The following GRK4 variants were observed in gnomAD, a reference collection of about 807,000 sequenced individuals.
GRK4 encodes G protein-coupled receptor kinase 4.
GRK4 carries 73 observed loss-of-function variants against 77.9 expected under a neutral mutation model. The observed-to-expected ratio is 0.94, with a 90% confidence interval of 0.78 to 1.14. GRK4 has a LOEUF of 1.14. Ranked by LOEUF, GRK4 falls within the 50% of genes most tolerant of loss-of-function variation. The pLI is 0.00. For missense variants in GRK4, 729 were observed against 700.2 expected (o/e 1.04, Z -0.46); for synonymous variants, 257 against 254.4 (o/e 1.01, Z -0.10).
chr4:3,026,852 C>T (rs1278919655), intron 10 of GRK4, among the ~76,000 whole-genome samples: 1 of 152,324 alleles, frequency 6.6e-6, no homozygotes, highest in South Asian at 2.1e-4. Flanking sequence ...GAGGGCATGT[C>T]GCATATTTTT....
intron 9 of GRK4, among the ~76,000 whole-genome samples, chr4:3,021,701 A>C (rs904222153): frequency 6.6e-6 from 1 of 152,170 alleles, no homozygotes; most frequent in African/African-American, 2.4e-5. Context: ...ACCATGGAAC[A>C]CACCCATAGG....
chr4:3,018,878 C>CA (rs1299331064), intron 8 of GRK4, among the ~76,000 whole-genome samples: 1 of 151,932 alleles, frequency 6.6e-6, no homozygotes, highest in Non-Finnish European at 1.5e-5. Flanking sequence ...GACTGTGTCT[C>CA]AAAAAAATAA....
Position 3,013,751 on chromosome 4 carries a change from A to T in GRK4, c.664A>T (p.Arg222Ter). Reference sequence around the variant, plus strand: ...TGCCTGCAAAAAGCTACAAAAAAAAAGAATAAAGAAGAGGAAAGGTGAAGC... The same window carrying T: ...TGCCTGCAAAAAGCTACAAAAAAAATGAATAAAGAAGAGGAAAGGTGAAGC... ...MYACKKLQKK[R>*]IKKRKGEAMA... The change falls in exon 8 of 16, where the codon AGA (arginine) becomes TGA (stop). Residue 222 changes from arginine to a stop codon, truncating the protein, a stop_gained. Coordinates refer to ENST00000398052, the MANE Select transcript of GRK4 (RefSeq NM_182982.3). LOFTEE classifies it high-confidence loss of function. 1 of 1,613,562 alleles carries T rather than the reference A, an allele frequency of 6.2e-7. No individual in the cohort carries two copies. Among genetic ancestry groups the T allele is most frequent in the Non-Finnish European group, 8.5e-7 (1 of 1,179,804 alleles).
chr4:2,969,713 C>T (rs529626882), intron 1 of GRK4, among the ~76,000 whole-genome samples: 22 of 151,892 alleles, frequency 1.4e-4, no homozygotes, highest in African/African-American at 5.3e-4. Context: ...ACTCTGTTAC[C>T]CCGCTGGAGT....
intron 12 of GRK4, among the ~76,000 whole-genome samples, chr4:3,030,495 T>C (rs992839837): frequency 3.9e-5 from 6 of 152,126 alleles, no homozygotes; most frequent in African/African-American, 7.2e-5. Flanking sequence ...GTCCTAGGCA[T>C]TGGGGGAAAC....
chr4:2,979,081 C>T (rs984499026), intron 1 of GRK4, among the ~76,000 whole-genome samples: 3 of 151,972 alleles, frequency 2.0e-5, no homozygotes, highest in Admixed American at 6.6e-5. Flanking sequence ...AAAAATTAGC[C>T]AGGCATGGTG....
chr4:2,986,825 T>C, intron 2 of GRK4: 1 of 350,286 alleles, frequency 2.9e-6, no homozygotes, highest in Non-Finnish European at 5.7e-6. Flanking sequence ...TAGTTCCTTT[T>C]AAAGAAAGAT....
Position 2,964,154 on chromosome 4 carries a change from C to A in GRK4, c.52+32C>A, listed in dbSNP as rs774261636. On this transcript the variant is annotated intron_variant, in intron 1 of 15. Coordinates refer to ENST00000398052, the MANE Select transcript of GRK4 (RefSeq NM_182982.3). ...GCGCGGCAGGCGCCCCCGACCCCCC[C>A]CCCAGAGAACCCCGAATCCCGGGGA... is the stretch of plus-strand genomic sequence containing the variant. 5.2e-6 allele frequency: 8 copies of A among 1,544,956 alleles called. No individual in the cohort carries two copies. In the South Asian group the frequency reaches 8.2e-5, roughly 16 times the overall value.
At position 3,021,309 on chromosome 4, in the gene GRK4, C is replaced by T. The variant is rs78039237; in HGVS notation, c.933-1105C>T. Reference sequence around the variant, plus strand: ...TCATTCTGAGAGACTCCTGCTCATCCGCCCAGAGTTGGCCCACACAGCACG... The same window carrying T: ...TCATTCTGAGAGACTCCTGCTCATCTGCCCAGAGTTGGCCCACACAGCACG... On this transcript the variant is annotated intron_variant, in intron 9 of 15. Coordinates refer to ENST00000398052, the MANE Select transcript of GRK4 (RefSeq NM_182982.3). Among the ~76,000 whole-genome samples, 67 of 152,306 alleles carry T rather than the reference C, an allele frequency of 4.4e-4. 3 individuals carry two copies. In the East Asian group the frequency reaches 9.9e-3, roughly 22 times the overall value.
chr4:3,030,331 A>C (rs564646652), intron 12 of GRK4, among the ~76,000 whole-genome samples: 1 of 152,350 alleles, frequency 6.6e-6, no homozygotes, highest in African/African-American at 2.4e-5. Context: ...CTGGGACTGG[A>C]CTGTGTTACC....
At chr4:2,975,257 C>G (rs1295214685) in intron 1 of GRK4, among the ~76,000 whole-genome samples, 1 of 152,106 alleles carries the variant, frequency 6.6e-6, no homozygotes, top group African/African-American at 2.4e-5. Context: ...GAGCCAAGAT[C>G]ACACCACTGC....
At chr4:2,984,028 C>G (rs950190234) in intron 1 of GRK4, among the ~76,000 whole-genome samples, 1 of 152,108 alleles carries the variant, frequency 6.6e-6, no homozygotes, top group African/African-American at 2.4e-5. Context: ...GGGACTCCCA[C>G]CTGGTCCCTC....
At chr4:3,028,454 G>A (rs1015518311) in intron 11 of GRK4, among the ~76,000 whole-genome samples, 1 of 152,266 alleles carries the variant, frequency 6.6e-6, no homozygotes, top group East Asian at 1.9e-4. Flanking sequence ...GTGGCTTTCC[G>A]CTCTTGCGTC....
At chr4:3,028,517 C>T (rs112568993) in intron 11 of GRK4, among the ~76,000 whole-genome samples, 1,868 of 152,256 alleles carry the variant, frequency 0.012, 37 homozygotes, top group African/African-American at 0.043. Flanking sequence ...ACACTTGGGG[C>T]GCCCTGGGCA....
chr4:2,982,187 CTGCCCCACCAA>C (rs369811119), intron 1 of GRK4, among the ~76,000 whole-genome samples: 1,552 of 152,362 alleles, frequency 0.01, 29 homozygotes, highest in African/African-American at 0.036. Context: ...TGTGGGGCTC[CTGCCCCACCAA>C]CCTGGAAGGG....
intron 1 of GRK4, among the ~76,000 whole-genome samples, chr4:2,980,583 C>T (rs1321715645): frequency 2.0e-5 from 3 of 151,980 alleles, no homozygotes; most frequent in Non-Finnish European, 4.4e-5. Flanking sequence ...GAAGCCTTGT[C>T]TTCCTTGGGC....
At chr4:3,003,198 A>C (rs537620987) in intron 4 of GRK4, among the ~76,000 whole-genome samples, 5 of 152,000 alleles carry the variant, frequency 3.3e-5, no homozygotes, top group Non-Finnish European at 7.4e-5. Flanking sequence ...TGGCTTCTTT[A>C]TTTATTTTTG....
chr4:3,020,211 G>T (rs1459463288), intron 9 of GRK4, among the ~76,000 whole-genome samples: 1 of 152,024 alleles, frequency 6.6e-6, no homozygotes, highest in East Asian at 1.9e-4. Flanking sequence ...TCACCATGTT[G>T]GCCAGGCTGG....
chr4:3,037,523 C>G lies in GRK4; in HGVS notation c.1545+12C>G. On this transcript the variant is annotated intron_variant, in intron 14 of 15. Coordinates refer to ENST00000398052, the MANE Select transcript of GRK4 (RefSeq NM_182982.3). ...CCTGGCAGAATGAGGTACTGCCCTT[C>G]CAGCACAGCCGCTTTACGTTAGTTC... 6.3e-7 allele frequency: 1 copy of G among 1,593,470 alleles called. No individual in the cohort carries two copies. Among genetic ancestry groups the G allele is most frequent in the Non-Finnish European group, 8.6e-7 (1 of 1,163,592 alleles).
Sources: gnomAD v4.1 joint callset for allele counts (sites outside exome capture counted in the v4.1 genomes callset) on GRCh38, gnomAD v4.1.1 for gene constraint, MANE v1.5 for transcripts, NCBI Gene and HGNC (gene_info 2026-07-23, HGNC 2026-07-21) for gene names.